Variants in EPB41 observed in about 807,000 individuals in gnomAD.
EPB41 encodes the protein protein 4.1.
Under a neutral mutation model 108.0 loss-of-function variants are expected in EPB41, and 65 were observed. The ratio of observed to expected loss-of-function variants is 0.60; its 90% CI spans 0.49 to 0.74. EPB41 has a LOEUF of 0.74. Ranked by LOEUF, EPB41 falls within the 30% of genes least tolerant of loss-of-function variation. EPB41 has a pLI of 0.00. For synonymous variants in EPB41, 336 were observed against 358.9 expected (o/e 0.94, Z 0.72); for missense variants, 875 against 1,037.0 (o/e 0.84, Z 2.15).
At chr1:29,002,706 A>C (rs2096321622) in intron 4 of EPB41, among the ~76,000 whole-genome samples, 1 of 152,238 alleles carries the variant, frequency 6.6e-6, no homozygotes, top group Non-Finnish European at 1.5e-5. Context: ...CAACAAATTT[A>C]GTTAAAGATC....
chr1:28,914,376 T>C (rs1340869241), upstream of EPB41, among the ~76,000 whole-genome samples: 6 of 152,120 alleles, frequency 3.9e-5, no homozygotes, highest in Non-Finnish European at 8.8e-5. Context: ...CTCCTCTCCT[T>C]ACCGGCCTAG....
intron 10 of EPB41, among the ~76,000 whole-genome samples, chr1:29,039,027 G>A (rs1392204281): frequency 6.6e-6 from 1 of 152,064 alleles, no homozygotes; most frequent in South Asian, 2.1e-4. Flanking sequence ...AAACTGTAAG[G>A]CCCTTTCTAT....
chr1:29,110,524 T>A (rs1487952458), intron 18 of EPB41, among the ~76,000 whole-genome samples: 1 of 152,216 alleles, frequency 6.6e-6, no homozygotes, highest in Non-Finnish European at 1.5e-5. Context: ...ATTGGAATTA[T>A]TAGAATGTAG....
chr1:29,030,019 T>C (rs1186792403), intron 7 of EPB41, among the ~76,000 whole-genome samples: 3 of 152,180 alleles, frequency 2.0e-5, no homozygotes, highest in African/African-American at 7.2e-5. Context: ...GGATTTAATT[T>C]GGTCATCTCC....
At chr1:29,013,870 T>C (rs368289178) in intron 5 of EPB41, among the ~76,000 whole-genome samples, 9 of 142,292 alleles carry the variant, frequency 6.3e-5, no homozygotes, top group Admixed American at 2.9e-4. Flanking sequence ...ACACAAGTAA[T>C]ATATACCCAT....
chr1:28,890,028 A>AT (rs1398458038), intron 1 of EPB41, among the ~76,000 whole-genome samples: 1 of 142,716 alleles, frequency 7.0e-6, no homozygotes, highest in African/African-American at 2.6e-5. Flanking sequence ...TTTTATTTTT[A>AT]TTTTATTTTA....
At position 29,065,134 on chromosome 1, in the gene EPB41, T is replaced by C. The variant is rs141501852; in HGVS notation, c.2160T>C (p.Asn720=). ...THSPFRTLNI[N]GQIPTGEGPP... is the part of the protein sequence containing the mutation. The stretch of plus-strand genomic sequence containing the variant: ...CACCCTTCCGAACTCTTAACATCAA[T>C]GGGCAAATCCCCACAGGAGAAGGAG... The change falls in exon 16 of 21, where the codon AAT becomes AAC. Residue 720 remains asparagine, a synonymous_variant. Coordinates refer to ENST00000343067, the MANE Select transcript of EPB41 (RefSeq NM_001376013.1). 2 of 1,608,152 alleles carry C rather than the reference T, an allele frequency of 1.2e-6. No homozygotes were observed. Among genetic ancestry groups the C allele is most frequent in the Non-Finnish European group, 1.7e-6 (2 of 1,175,848 alleles).
At chr1:29,064,409 A>C (rs1320406379) in intron 15 of EPB41, among the ~76,000 whole-genome samples, 2 of 152,218 alleles carry the variant, frequency 1.3e-5, no homozygotes, top group Non-Finnish European at 2.9e-5. Flanking sequence ...AAAAAGGGCT[A>C]TTCTTGTTTT....
chr1:29,062,244 A>T (rs1165709871), intron 15 of EPB41, among the ~76,000 whole-genome samples: 1 of 152,232 alleles, frequency 6.6e-6, no homozygotes, highest in African/African-American at 2.4e-5. Context: ...GCAGTGTAAC[A>T]TCTTGAAATT....
chr1:29,109,590 C>A, intron 18 of EPB41, 153 bp downstream of exon 18: 1 of 701,150 alleles, frequency 1.4e-6, no homozygotes. Flanking sequence ...TGGAAAGGCC[C>A]TGCTGCCTTC....
chr1:29,094,621 C>T (rs1287842597), intron 16 of EPB41, among the ~76,000 whole-genome samples: 1 of 152,200 alleles, frequency 6.6e-6, no homozygotes, highest in Non-Finnish European at 1.5e-5. Context: ...CGATCTTTCA[C>T]CTTCCTGGTT....
chr1:28,906,161 C>T (rs935237334), intron 1 of EPB41, among the ~76,000 whole-genome samples: 3 of 152,136 alleles, frequency 2.0e-5, no homozygotes, highest in Non-Finnish European at 4.4e-5. Flanking sequence ...TCCCAGTCAC[C>T]GGAAGTCTTG....
intron 19 of EPB41, among the ~76,000 whole-genome samples, chr1:29,113,267 C>T (rs1356935615): frequency 6.6e-6 from 1 of 152,176 alleles, no homozygotes; most frequent in African/African-American, 2.4e-5. Flanking sequence ...GAAGAGATTG[C>T]ATGCAAATGC....
Position 29,115,760 on chromosome 1 carries a change from T to G in EPB41, c.2558T>G (p.Val853Gly). The G allele has an allele frequency of 3.1e-6, 5 of 1,614,068 alleles. No homozygotes were observed. Among genetic ancestry groups the G allele is most frequent in the Non-Finnish European group, 4.2e-6 (5 of 1,180,010 alleles). Residue 853 changes from valine (V) to glycine (G), a missense_variant, in exon 20 of 21, where the codon GTG (valine) becomes GGG (glycine). By Grantham distance (109) the Val-to-Gly change is moderately radical. This residue lies in a region of EPB41 where 519 missense variants were observed against 627.3 expected (regional missense o/e 0.83). Transcript: ENST00000343067. The surrounding 1 kb of genome is among the most constrained non-coding windows in gnomAD (Gnocchi z 4.4). ...EQHPDMSVTK[V>G]VVHQETEIAD... Reference sequence around the variant, plus strand: ...CACCCAGACATGTCAGTGACCAAGGTGGTCGTCCACCAGGAGACCGAGATT... The same window carrying G: ...CACCCAGACATGTCAGTGACCAAGGGGGTCGTCCACCAGGAGACCGAGATT...
At chr1:29,043,949 C>CT (rs1456271135) in intron 11 of EPB41, among the ~76,000 whole-genome samples, 2 of 152,124 alleles carry the variant, frequency 1.3e-5, no homozygotes, top group Admixed American at 6.5e-5. Flanking sequence ...AAAAGAAACT[C>CT]AAGTTTTATT....
chr1:28,902,197 C>T (rs2147921532), intron 1 of EPB41: 1 of 985,340 alleles, frequency 1.0e-6, no homozygotes, highest in East Asian at 1.1e-4. Context: ...TCATCCTTTC[C>T]ATTTGTCAGA....
At chr1:28,907,709 C>T (rs1268199677) in intron 1 of EPB41, among the ~76,000 whole-genome samples, 1 of 152,034 alleles carries the variant, frequency 6.6e-6, no homozygotes, top group Admixed American at 6.6e-5. Context: ...ACCTCCCAGG[C>T]TCCAGTGATC....
chr1:29,109,493 C>A, intron 18 of EPB41, 56 bp downstream of exon 18: 1 of 1,443,564 alleles, frequency 6.9e-7, no homozygotes, highest in Non-Finnish European at 9.8e-7. Context: ...AAGCTTGCTG[C>A]CACCTCTCTG....
intron 1 of EPB41, among the ~76,000 whole-genome samples, chr1:28,968,500 TC>T (rs1348738521): frequency 6.6e-6 from 1 of 152,174 alleles, no homozygotes; most frequent in Admixed American, 6.6e-5. Context: ...CTGCCATATT[TC>T]CTCATGTTTT....
Sources: allele counts gnomAD v4.1 joint callset (sites outside exome capture counted in the v4.1 genomes callset), GRCh38; gene constraint gnomAD v4.1.1; regional missense constraint gnomAD v4.1.1; non-coding constraint Gnocchi (gnomAD v3.1); transcripts MANE v1.5; gene names NCBI Gene and HGNC (gene_info 2026-07-23, HGNC 2026-07-21).